The following NRG1 variants were observed in gnomAD, a reference collection of about 807,000 sequenced individuals.
The protein encoded by NRG1 is pro-neuregulin-1, membrane-bound isoform.
NRG1 carries 18 observed loss-of-function variants against 63.8 expected under a neutral mutation model. The observed-to-expected ratio is 0.28, with a 90% CI of 0.19 to 0.42. The LOEUF is 0.42. Ranked by LOEUF, NRG1 falls within the 10% of genes least tolerant of loss-of-function variation. NRG1 has a pLI of 1.00. For synonymous variants in NRG1, 302 were observed against 301.3 expected (o/e 1.00, Z -0.02); for missense variants, 762 against 814.7 (o/e 0.94, Z 0.79).
intron 1 of NRG1, among the ~76,000 whole-genome samples, chr8:32,195,442 A>AC (rs1275914920): frequency 1.3e-5 from 2 of 151,328 alleles, no homozygotes; most frequent in Non-Finnish European, 1.5e-5. Flanking sequence ...CTGTCTCAAA[A>AC]AAAAAAAAAA....
Position 32,282,435 on chromosome 8 carries a change from C to T in NRG1, c.38-313393C>T, listed in dbSNP as rs79062962. On this transcript the variant is annotated intron_variant, in intron 1 of 10. Transcript: ENST00000519301. ...TAGGCCAGATTTACTGTCCGCCTTC[C>T]ATGAGTGGTTCAGCATGCTCTCTGT... Among the ~76,000 whole-genome samples the T allele has an allele frequency of 5.2e-3, 788 of 152,322 alleles. 8 individuals are homozygous for T. The highest frequency in any genetic ancestry group is 0.018 in the African/African-American group (753 of 41,564).
At chr8:32,333,330 G>A (rs761077706) in intron 1 of NRG1, among the ~76,000 whole-genome samples, 7 of 152,200 alleles carry the variant, frequency 4.6e-5, no homozygotes, top group Non-Finnish European at 7.4e-5. Context: ...CACTGGCCAC[G>A]TGACATTCAT....
chr8:31,873,474 G>A (rs773846365), intron 1 of NRG1, among the ~76,000 whole-genome samples: 27 of 152,098 alleles, frequency 1.8e-4, no homozygotes, highest in Non-Finnish European at 2.9e-4. Context: ...CAGGAGAATC[G>A]CTTGAACCTG....
chr8:32,764,379 A>T (rs903579118), exon 12 of NRG1: 2 of 1,602,028 alleles, frequency 1.2e-6, no homozygotes, highest in Non-Finnish European at 1.7e-6. Context: ...TGTAATTGCT[A>T]ACCAAGACCC....
At chr8:32,648,050 C>T in intron 5 of NRG1, 3 of 1,614,140 alleles carry the variant, frequency 1.9e-6, no homozygotes, top group Non-Finnish European at 2.5e-6. Flanking sequence ...CTCCTACTCA[C>T]CTTGACCCTG....
At chr8:32,170,630 G>A (rs1839927599) in intron 1 of NRG1, among the ~76,000 whole-genome samples, 1 of 152,128 alleles carries the variant, frequency 6.6e-6, no homozygotes, top group East Asian at 1.9e-4. Context: ...TCAAAATCAA[G>A]CTGCTGCATT....
intron 1 of NRG1, among the ~76,000 whole-genome samples, chr8:32,160,570 G>A (rs1838713882): frequency 6.6e-6 from 1 of 152,312 alleles, no homozygotes; most frequent in Non-Finnish European, 1.5e-5. Context: ...ACATCTTCAT[G>A]TTCAGGACAT....
intron 1 of NRG1, among the ~76,000 whole-genome samples, chr8:31,982,908 G>C (rs1335357197): frequency 1.3e-5 from 2 of 152,084 alleles, no homozygotes; most frequent in African/African-American, 4.8e-5. Flanking sequence ...TTCCTGCCGA[G>C]TAATCAGTGC....
At chr8:32,039,478 A>G (rs1819590534) in intron 1 of NRG1, among the ~76,000 whole-genome samples, 1 of 152,132 alleles carries the variant, frequency 6.6e-6, no homozygotes, top group African/African-American at 2.4e-5. Context: ...GGAAACACAG[A>G]GATGTTGTTT....
intron 1 of NRG1, among the ~76,000 whole-genome samples, chr8:32,275,799 C>T (rs143242392): frequency 0.015 from 2,235 of 152,130 alleles, 56 homozygotes; most frequent in African/African-American, 0.051. Flanking sequence ...TCCTACCATG[C>T]CCCCAGATGA....
At chr8:31,719,208 T>C (rs1037184737) in intron 1 of NRG1, among the ~76,000 whole-genome samples, 4 of 152,170 alleles carry the variant, frequency 2.6e-5, no homozygotes, top group African/African-American at 9.6e-5. Context: ...GTCTTTAAGA[T>C]AGTTTCAGGC....
At chr8:31,950,839 G>C (rs1416829779) in intron 1 of NRG1, among the ~76,000 whole-genome samples, 1 of 152,110 alleles carries the variant, frequency 6.6e-6, no homozygotes, top group Non-Finnish European at 1.5e-5. Flanking sequence ...ATCAGCCTTG[G>C]GCATTTTGGC....
chr8:31,956,640 C>A (rs1804482690), intron 1 of NRG1, among the ~76,000 whole-genome samples: 1 of 152,108 alleles, frequency 6.6e-6, no homozygotes, highest in Admixed American at 6.5e-5. Flanking sequence ...AAAAAGTATT[C>A]TGTGAGCCAA....
intron 7 of NRG1, chr8:32,749,708 T>C: frequency 1.2e-6 from 1 of 861,556 alleles, no homozygotes; most frequent in South Asian, 1.7e-5. Context: ...GAAGGGATCA[T>C]ACAGCTATAA....
chr8:32,749,598 A>T, intron 7 of NRG1: 1 of 1,613,204 alleles, frequency 6.2e-7, no homozygotes, highest in South Asian at 1.1e-5. Flanking sequence ...TGGACCAATC[A>T]TCATTCCTTT....
At chr8:31,681,714 A>G (rs1004021811) in intron 1 of NRG1, among the ~76,000 whole-genome samples, 5 of 148,884 alleles carry the variant, frequency 3.4e-5, no homozygotes, top group African/African-American at 1.2e-4. Context: ...ATTATATATA[A>G]TTATATGCAT....
rs533695783 is a variant in NRG1 at position 31,676,383 on chromosome 8, T to C, written c.37+36952T>C. ...ATGGATGCTTCCTTCCTTTCTTCTT[T>C]AATCCTTGACAACTTTCTTCCCCAA... On this transcript the variant is annotated intron_variant, in intron 1 of 10. Coordinates refer to the NRG1 transcript ENST00000519301. 1.1e-3 allele frequency among the ~76,000 whole-genome samples: 175 copies of C among 152,334 alleles called. 1 individual carries two copies. The highest frequency in any genetic ancestry group is 4.4e-4 in the Non-Finnish European group (30 of 68,026).
intron 1 of NRG1, among the ~76,000 whole-genome samples, chr8:32,531,761 G>A (rs537059310): frequency 2.8e-4 from 43 of 152,202 alleles, no homozygotes; most frequent in Non-Finnish European, 4.9e-4. Flanking sequence ...ATGAGAAAGC[G>A]CAAAATAATA....
intron 1 of NRG1, among the ~76,000 whole-genome samples, chr8:31,877,068 G>C (rs1417106408): frequency 6.6e-6 from 1 of 152,134 alleles, no homozygotes; most frequent in Non-Finnish European, 1.5e-5. Flanking sequence ...CTTTAGATCT[G>C]AGAATAATTG....
Sources: gnomAD v4.1 joint callset for allele counts (sites outside exome capture counted in the v4.1 genomes callset) on GRCh38, gnomAD v4.1.1 for gene constraint, MANE v1.5 for transcripts, NCBI Gene and HGNC (gene_info 2026-07-23, HGNC 2026-07-21) for gene names.